CARMIL1: variants seen among roughly 807,000 people sequenced by gnomAD.
The protein encoded by CARMIL1 is F-actin-uncapping protein LRRC16A.
In CARMIL1, 90 loss-of-function variants were observed where a neutral mutation model predicts 177.1. The ratio of observed to expected loss-of-function variants is 0.51; its 90% CI spans 0.43 to 0.61. CARMIL1 has a LOEUF of 0.61. Ranked by LOEUF, CARMIL1 falls within the 20% of genes least tolerant of loss-of-function variation. CARMIL1 has a pLI of 0.00. For missense variants in CARMIL1, 1,380 were observed against 1,667.0 expected (o/e 0.83, Z 3.00); for synonymous variants, 577 against 606.2 (o/e 0.95, Z 0.71).
intron 29 of CARMIL1, among the ~76,000 whole-genome samples, chr6:25,578,876 C>T (rs1383401002): frequency 6.6e-6 from 1 of 152,046 alleles, no homozygotes; most frequent in African/African-American, 2.4e-5. Context: ...GATATTCAAG[C>T]TTTCTATACT....
intron 13 of CARMIL1, among the ~76,000 whole-genome samples, chr6:25,489,654 T>A (rs1216868389): frequency 2.6e-5 from 4 of 152,142 alleles, no homozygotes. Flanking sequence ...TGAAAAACAC[T>A]GTGAAATTTA....
intron 29 of CARMIL1, among the ~76,000 whole-genome samples, chr6:25,579,323 A>G (rs1204409739): frequency 6.6e-6 from 1 of 151,308 alleles, no homozygotes; most frequent in African/African-American, 2.4e-5. Context: ...TATTTGTGAC[A>G]ATCTAAATGA....
intron 2 of CARMIL1, among the ~76,000 whole-genome samples, chr6:25,324,349 GTTT>G (rs34619369): frequency 9.8e-5 from 14 of 142,862 alleles, no homozygotes; most frequent in African/African-American, 5.2e-5. Context: ...GATTCAACAA[GTTT>G]TTTTTTTTTT....
chr6:25,475,310 A>G (rs983572103), intron 11 of CARMIL1, among the ~76,000 whole-genome samples: 1 of 152,016 alleles, frequency 6.6e-6, no homozygotes, highest in African/African-American at 2.4e-5. Flanking sequence ...AGGCTGAGGC[A>G]GGAGAATGGT....
chr6:25,531,480 A>G (rs1389265597), intron 24 of CARMIL1, among the ~76,000 whole-genome samples: 1 of 152,194 alleles, frequency 6.6e-6, no homozygotes, highest in Non-Finnish European at 1.5e-5. Flanking sequence ...TGAAAGGTGT[A>G]TTTTATTCTC....
intron 36 of CARMIL1, chr6:25,612,720 AAATC>A (rs1205118654): frequency 1.0e-6 from 1 of 978,588 alleles, no homozygotes; most frequent in African/African-American, 1.8e-5. Flanking sequence ...AGGGTAAAAT[AAATC>A]CCTTTTCCTC....
At chr6:25,548,816 C>T (rs1809777451) in intron 26 of CARMIL1, among the ~76,000 whole-genome samples, 1 of 152,156 alleles carries the variant, frequency 6.6e-6, no homozygotes, top group African/African-American at 2.4e-5. Context: ...AACAGAAGAC[C>T]TGAGTGCCCA....
At chr6:25,430,991 AT>A (rs1221531536) in intron 4 of CARMIL1, among the ~76,000 whole-genome samples, 2 of 151,326 alleles carry the variant, frequency 1.3e-5, no homozygotes, top group Admixed American at 6.6e-5. Flanking sequence ...AGGTCTACCA[AT>A]TTTTTTTTAT....
intron 1 of CARMIL1, 118 bp downstream of exon 1, chr6:25,279,953 AG>A (rs1780942138): frequency 8.2e-7 from 1 of 1,214,260 alleles, no homozygotes; most frequent in Admixed American, 1.7e-5. Flanking sequence ...CTTAGGGCAG[AG>A]TGGTGTTGGG....
intron 2 of CARMIL1, among the ~76,000 whole-genome samples, chr6:25,333,835 G>T (rs756846167): frequency 3.3e-5 from 5 of 152,152 alleles, no homozygotes; most frequent in Non-Finnish European, 5.9e-5. Context: ...ATGTTTTATA[G>T]CTTGTTAAGG....
chr6:25,487,891 T>G (rs997182119), intron 12 of CARMIL1, among the ~76,000 whole-genome samples: 2 of 152,246 alleles, frequency 1.3e-5, no homozygotes, highest in Non-Finnish European at 2.9e-5. Context: ...ATTTATGTTA[T>G]GTATGTAAAG....
At chr6:25,343,728 C>A (rs1787196517) in intron 2 of CARMIL1, among the ~76,000 whole-genome samples, 1 of 152,072 alleles carries the variant, frequency 6.6e-6, no homozygotes, top group African/African-American at 2.4e-5. Flanking sequence ...ATCAGCAAAC[C>A]CCCCACTTCC....
At chr6:25,471,290 C>G (rs1422492711) in intron 10 of CARMIL1, 33 bp downstream of exon 10, 1 of 1,465,660 alleles carries the variant, frequency 6.8e-7, no homozygotes, top group Non-Finnish European at 9.4e-7. Flanking sequence ...AAATATGTTG[C>G]TTTAAAACTC....
At chr6:25,336,221 T>G (rs1191548615) in intron 2 of CARMIL1, among the ~76,000 whole-genome samples, 1 of 152,176 alleles carries the variant, frequency 6.6e-6, no homozygotes, top group Non-Finnish European at 1.5e-5. Context: ...ACCCTTCTCA[T>G]TCTGGCTTTA....
intron 31 of CARMIL1, among the ~76,000 whole-genome samples, chr6:25,589,997 C>G (rs1814142156): frequency 6.6e-6 from 1 of 152,182 alleles, no homozygotes; most frequent in Non-Finnish European, 1.5e-5. Flanking sequence ...TAGTATACTT[C>G]CAGTTGCATC....
chr6:25,364,965 T>G (rs1789620175), intron 2 of CARMIL1, among the ~76,000 whole-genome samples: 1 of 152,200 alleles, frequency 6.6e-6, no homozygotes, highest in South Asian at 2.1e-4. Context: ...CTTGACTCCT[T>G]TCACTCAGCG....
chr6:25,332,242 C>T (rs1433445918), intron 2 of CARMIL1, among the ~76,000 whole-genome samples: 1 of 152,180 alleles, frequency 6.6e-6, no homozygotes, highest in African/African-American at 2.4e-5. Flanking sequence ...CTGTTTTTGT[C>T]TTTCCAGCCT....
chr6:25,433,414 C>T (rs1435113007), intron 4 of CARMIL1, among the ~76,000 whole-genome samples: 1 of 152,200 alleles, frequency 6.6e-6, no homozygotes, highest in African/African-American at 2.4e-5. Flanking sequence ...AGCACAGACA[C>T]AATGGCACAT....
chr6:25,589,861 A>G (rs945456383), intron 31 of CARMIL1, among the ~76,000 whole-genome samples: 2 of 152,192 alleles, frequency 1.3e-5, no homozygotes, highest in Non-Finnish European at 1.5e-5. Context: ...TAAAATGGCT[A>G]TATCATCCAG....
Sources: gnomAD v4.1 joint callset for allele counts (sites outside exome capture counted in the v4.1 genomes callset) on GRCh38, gnomAD v4.1.1 for gene constraint, MANE v1.5 for transcripts, NCBI Gene and HGNC (gene_info 2026-07-23, HGNC 2026-07-21) for gene names.